ZGRF1: variants seen among roughly 807,000 people sequenced by gnomAD.
ZGRF1 encodes zinc finger GRF-type containing 1, also known as 5'-3' DNA helicase ZGRF1.
Under a neutral mutation model 203.5 loss-of-function variants are expected in ZGRF1, and 196 were observed. The observed-to-expected ratio is 0.96, with a 90% CI of 0.86 to 1.08. The LOEUF (loss-of-function observed/expected upper bound fraction) is 1.08. ZGRF1 is among the 50% of genes least tolerant of loss of function. The pLI is 0.00. For synonymous variants in ZGRF1, 809 were observed against 841.3 expected (o/e 0.96, Z 0.66); for missense variants, 2,326 against 2,416.3 (o/e 0.96, Z 0.78).
intron 23 of ZGRF1, 61 bp from the exon 24 acceptor site, chr4:112,547,469 T>C: frequency 3.4e-6 from 5 of 1,466,754 alleles, no homozygotes; most frequent in Non-Finnish European, 4.6e-6. Flanking sequence ...ACATCATTTA[T>C]TGCACTGTTT....
chr4:112,617,404 A>G, intron 6 of ZGRF1, 36 bp downstream of exon 6: 1 of 1,446,258 alleles, frequency 6.9e-7, no homozygotes. Flanking sequence ...AAAGACCTAT[A>G]AAGAAAACAT....
At chr4:112,597,339 T>C (rs1186150628) in intron 10 of ZGRF1, among the ~76,000 whole-genome samples, 3 of 147,002 alleles carry the variant, frequency 2.0e-5, no homozygotes, top group East Asian at 2.1e-4. Flanking sequence ...CCAGAAAACA[T>C]AGGAAGACCC....
chr4:112,600,750 C>G (rs994055302), intron 10 of ZGRF1, among the ~76,000 whole-genome samples: 2 of 152,184 alleles, frequency 1.3e-5, no homozygotes, highest in East Asian at 3.9e-4. Context: ...GGCTCCTATT[C>G]CCATTATCTC....
At chr4:112,613,034 C>T (rs544162571) in intron 6 of ZGRF1, among the ~76,000 whole-genome samples, 128 of 152,324 alleles carry the variant, frequency 8.4e-4, no homozygotes, top group African/African-American at 3.0e-3. Flanking sequence ...TGGCTCATGC[C>T]TGTAATCCCA....
intron 9 of ZGRF1, among the ~76,000 whole-genome samples, chr4:112,604,276 T>A (rs1207789745): frequency 6.6e-6 from 1 of 151,408 alleles, no homozygotes; most frequent in Non-Finnish European, 1.5e-5. Flanking sequence ...AATGAATAAG[T>A]ATAATTTTAT....
intron 2 of ZGRF1, among the ~76,000 whole-genome samples, 186 bp downstream of exon 2, chr4:112,632,970 A>G (rs1270958831): frequency 1.3e-5 from 2 of 152,238 alleles, no homozygotes; most frequent in Non-Finnish European, 2.9e-5. Flanking sequence ...ACTGTGCAAT[A>G]TTTGGGATCC....
intron 14 of ZGRF1, 49 bp downstream of exon 14, chr4:112,585,491 CT>C: frequency 6.7e-7 from 1 of 1,483,104 alleles, no homozygotes; most frequent in Non-Finnish European, 9.1e-7. Flanking sequence ...TATCTAAACC[CT>C]TTATAAGACA....
rs530542606 is a variant in ZGRF1, at chr4:112,598,050, G to C, written c.2976+5474C>G. Reference sequence around the variant, plus strand: ...TATCTCCCCTTGCTCCCTTTCTTTGGAGGTATTCAAAGATGTACTCCAGCA... The same window carrying C: ...TATCTCCCCTTGCTCCCTTTCTTTGCAGGTATTCAAAGATGTACTCCAGCA... On this transcript the variant is annotated intron_variant, in intron 10 of 27. Coordinates refer to ENST00000505019, the MANE Select transcript of ZGRF1 (RefSeq NM_018392.5). 5.9e-5 allele frequency among the ~76,000 whole-genome samples: 9 copies of C among 151,958 alleles called. No homozygotes were observed. In the South Asian group the frequency reaches 1.9e-3, roughly 32 times the overall value.
intron 23 of ZGRF1, among the ~76,000 whole-genome samples, 153 bp downstream of exon 23, chr4:112,548,099 GC>G (rs1200395775): frequency 6.6e-6 from 1 of 151,974 alleles, no homozygotes; most frequent in African/African-American, 2.4e-5. Context: ...ACACTACCAT[GC>G]CCAGCTAATT....
chr4:112,566,325 C>T (rs1743064145), intron 16 of ZGRF1, among the ~76,000 whole-genome samples: 1 of 117,630 alleles, frequency 8.5e-6, no homozygotes, highest in African/African-American at 3.4e-5. Flanking sequence ...GAACATCACA[C>T]TCTGGGGACT....
Position 112,585,540 on chromosome 4 carries a change from C to A in ZGRF1, c.4101+1G>T, listed in dbSNP as rs1410904757. The A allele has an allele frequency of 6.2e-7, 1 of 1,604,464 alleles. No homozygotes were observed. The highest frequency in any genetic ancestry group is 8.5e-7 in the Non-Finnish European group (1 of 1,176,094). On this transcript the variant is annotated splice_donor_variant, in intron 14 of 27. Transcript: ENST00000505019. LOFTEE classifies it high-confidence loss of function. Reference sequence around the variant, plus strand: ...GGTAGGGGGAGGGGAAGCAAGAATACCTTATTTGGACCTTCCTTTTTAACC... The same window carrying A: ...GGTAGGGGGAGGGGAAGCAAGAATAACTTATTTGGACCTTCCTTTTTAACC...
intron 4 of ZGRF1, 42 bp from the exon 5 acceptor site, chr4:112,620,232 G>T: frequency 1.3e-6 from 2 of 1,505,008 alleles, no homozygotes; most frequent in South Asian, 1.2e-5. Flanking sequence ...CTAATTATTT[G>T]ATTATCTATG....
intron 19 of ZGRF1, among the ~76,000 whole-genome samples, chr4:112,558,638 C>T (rs3762890): frequency 0.043 from 6,605 of 152,310 alleles, 254 homozygotes; most frequent in East Asian, 0.19. Context: ...GAATTACAGG[C>T]GTGAGCCACT....
intron 24 of ZGRF1, chr4:112,547,023 T>C (rs1349756783): frequency 3.6e-6 from 1 of 280,390 alleles, no homozygotes; most frequent in Non-Finnish European, 6.6e-6. Context: ...ATAGAGACAT[T>C]ATAGGTTTTT....
intron 3 of ZGRF1, among the ~76,000 whole-genome samples, chr4:112,630,497 G>A (rs897043343): frequency 4.7e-5 from 7 of 150,254 alleles, no homozygotes; most frequent in Non-Finnish European, 4.4e-5. Flanking sequence ...CAGCCTGGGC[G>A]ACAAGAGCAA....
chr4:112,618,745 T>C lies in ZGRF1; in HGVS notation c.1297A>G (p.Ile433Val), dbSNP rs76469954. ...ENDGILSESD[I>V]QEDNKIPFNQ... ...AAAGGTATTTTATTATCTTCTTGAATGTCAGATTCTGATAATATACCATCA... is the reference window on the plus strand; with the variant it reads ...AAAGGTATTTTATTATCTTCTTGAACGTCAGATTCTGATAATATACCATCA... The change falls in exon 6 of 28, where the codon ATT becomes GTT. Residue 433 changes from isoleucine to valine, a missense_variant. Transcript: ENST00000505019. 6.2e-7 allele frequency: 1 copy of C among 1,610,590 alleles called. No homozygotes were observed. Among genetic ancestry groups the C allele is most frequent in the Admixed American group, 1.7e-5 (1 of 59,968 alleles).
intron 10 of ZGRF1, among the ~76,000 whole-genome samples, chr4:112,594,711 C>A (rs902098399): frequency 1.3e-5 from 2 of 151,858 alleles, no homozygotes; most frequent in Admixed American, 1.3e-4. Flanking sequence ...CCTCAGCCCC[C>A]CAAAGTGCTG....
At chr4:112,636,237 T>TTATA (rs1340110200) in intron 1 of ZGRF1, among the ~76,000 whole-genome samples, 1 of 152,190 alleles carries the variant, frequency 6.6e-6, no homozygotes, top group Non-Finnish European at 1.5e-5. Context: ...TCTGTGATAA[T>TTATA]TATATACATA....
In ZGRF1 at chr4:112,618,468, T is replaced by C. The variant is rs1440527352; in HGVS notation, c.1574A>G (p.Gln525Arg). 3.7e-6 allele frequency: 6 copies of C among 1,613,704 alleles called. No individual in the cohort carries two copies. The highest frequency in any genetic ancestry group is 1.1e-5 in the South Asian group (1 of 91,068). Reference sequence around the variant, plus strand: ...ATTAAAAGTTACCTCCAAAAATGGTTGTGTTACATTACTCAGAGATTCATG... The same window carrying C: ...ATTAAAAGTTACCTCCAAAAATGGTCGTGTTACATTACTCAGAGATTCATG... Reference protein sequence around the residue: ...SIHESLSNVTQPFLEVTFNLN... With the variant: ...SIHESLSNVTRPFLEVTFNLN... The change falls in exon 6 of 28, where the codon CAA becomes CGA. Residue 525 changes from glutamine (Q) to arginine (R), a missense_variant. By Grantham distance (43) the Gln-to-Arg change is conservative. Transcript: ENST00000505019.
Sources: gnomAD v4.1 joint callset for allele counts (sites outside exome capture counted in the v4.1 genomes callset) on GRCh38, gnomAD v4.1.1 for gene constraint, MANE v1.5 for transcripts, NCBI Gene and HGNC (gene_info 2026-07-23, HGNC 2026-07-21) for gene names.